DTNB: variants seen among roughly 807,000 people sequenced by gnomAD.
DTNB encodes dystrobrevin beta, also known as DTN-B.
Under a neutral mutation model 90.7 loss-of-function variants are expected in DTNB, and 63 were observed. The ratio of observed to expected loss-of-function variants is 0.69; its 90% confidence interval spans 0.57 to 0.86. The LOEUF (loss-of-function observed/expected upper bound fraction) is 0.86, where lower values mean the gene tolerates loss of function less well. Among genes scored for constraint, DTNB ranks in the 40% least tolerant of loss-of-function variants. DTNB has a pLI of 0.00. For synonymous variants in DTNB, 277 were observed against 286.7 expected, an observed-to-expected ratio of 0.97 and a Z score of 0.34; for missense variants, 744 against 807.1, an observed-to-expected ratio of 0.92 and a Z score of 0.95.
chr2:25,432,206 TACACACAC>T lies in DTNB; in HGVS notation c.1457+672_1457+679del, dbSNP rs60610400. Among the ~76,000 whole-genome samples the T allele has an allele frequency of 5.2e-3, 763 of 146,408 alleles. 7 individuals carry two copies. The highest frequency in any genetic ancestry group is 0.012 in the African/African-American group (490 of 39,444). On this transcript the variant is annotated intron_variant, in intron 14 of 20. Transcript: ENST00000406818. Reference sequence around the variant, plus strand: ...ATGTCTTAACTTACAGAAGAGTGCGTACACACACACACACACACACACACACACACACA... The same window carrying T: ...ATGTCTTAACTTACAGAAGAGTGCGTACACACACACACACACACACACACA...
intron 8 of DTNB, among the ~76,000 whole-genome samples, chr2:25,549,533 C>G (rs1420407485): frequency 6.6e-6 from 1 of 152,090 alleles, no homozygotes; most frequent in Admixed American, 6.5e-5. Context: ...TTTTGCTCCA[C>G]CTACCCATAA....
intron 9 of DTNB, among the ~76,000 whole-genome samples, chr2:25,511,939 A>C (rs1390075982): frequency 1.3e-5 from 2 of 152,222 alleles, no homozygotes; most frequent in African/African-American, 4.8e-5. Context: ...AAGTCCCTTA[A>C]ATTCCAAAAC....
Position 25,433,939 on chromosome 2 carries a change from C to G in DTNB, c.1314G>C (p.Gln438His). 6.2e-7 allele frequency: 1 copy of G among 1,613,808 alleles called. No individual in the cohort carries two copies. Among genetic ancestry groups the G allele is most frequent in the Non-Finnish European group, 8.5e-7 (1 of 1,179,814 alleles). ...TTTTGTTTTCCAGTTCTGCAATAAG[C>G]TGTCTTTGTTGTTTGTTGGCATCAA... is the stretch of plus-strand genomic sequence containing the variant. Reference protein sequence around the residue: ...FNFDANKQQRQLIAELENKNR... With the variant: ...FNFDANKQQRHLIAELENKNR... The change falls in exon 13 of 21, where the codon CAG becomes CAC. Residue 438 changes from glutamine (Q) to histidine (H), a missense_variant. Coordinates refer to ENST00000406818, the MANE Select transcript of DTNB (RefSeq NM_021907.5).
chr2:25,588,544 T>C (rs894514586), intron 6 of DTNB, among the ~76,000 whole-genome samples: 2 of 152,166 alleles, frequency 1.3e-5, no homozygotes, highest in African/African-American at 2.4e-5. Context: ...TTTGTATTTT[T>C]AGTAGTGACG....
chr2:25,601,677 A>T (rs2065915590), intron 5 of DTNB, among the ~76,000 whole-genome samples: 1 of 152,128 alleles, frequency 6.6e-6, no homozygotes, highest in African/African-American at 2.4e-5. Flanking sequence ...TTTCTTTTAC[A>T]TGTTTGCTTT....
rs115560347 is a variant in DTNB at position 25,541,951 on chromosome 2, G to A, written c.877-10354C>T. On this transcript the variant is annotated intron_variant, in intron 8 of 20. Coordinates refer to ENST00000406818, the MANE Select transcript of DTNB (RefSeq NM_021907.5). ...AAAAGTGGAGATAACAAGCCTTCTCGTTTTGTTTTCAATCTTAAACCTTTT... is the reference window on the plus strand; with the variant it reads ...AAAAGTGGAGATAACAAGCCTTCTCATTTTGTTTTCAATCTTAAACCTTTT... Among the ~76,000 whole-genome samples, 290 of 152,222 alleles carry A rather than the reference G, an allele frequency of 1.9e-3. 2 individuals carry two copies. The highest frequency in any genetic ancestry group is 6.5e-3 in the African/African-American group (268 of 41,532).
intron 16 of DTNB, among the ~76,000 whole-genome samples, chr2:25,396,500 G>C (rs1238295527): frequency 2.0e-5 from 3 of 149,906 alleles, no homozygotes; most frequent in Non-Finnish European, 4.4e-5. Flanking sequence ...AACAGAGCAA[G>C]ACACTGTCTC....
At chr2:25,583,263 AT>A (rs370473438) in intron 6 of DTNB, among the ~76,000 whole-genome samples, 35,769 of 121,884 alleles carry the variant, frequency 0.29, 4,692 homozygotes, top group Middle Eastern at 0.35. Flanking sequence ...AAAAAAAAAA[AT>A]ATATATATAT....
At chr2:25,573,439 G>A (rs1165828446) in intron 8 of DTNB, among the ~76,000 whole-genome samples, 3 of 152,120 alleles carry the variant, frequency 2.0e-5, no homozygotes, top group African/African-American at 4.8e-5. Flanking sequence ...AGGACTTTGT[G>A]GCTTAAAGCC....
At chr2:25,611,511 T>C (rs907496080) in intron 4 of DTNB, among the ~76,000 whole-genome samples, 10 of 151,830 alleles carry the variant, frequency 6.6e-5, no homozygotes, top group African/African-American at 2.4e-4. Context: ...CCCTCTAGAG[T>C]TGGCCCTCCA....
chr2:25,634,872 A>G (rs1252318858), intron 3 of DTNB, among the ~76,000 whole-genome samples: 1 of 108,384 alleles, frequency 9.2e-6, no homozygotes, highest in Non-Finnish European at 2.1e-5. Context: ...GCTCGTTAAA[A>G]GTCATCACCA....
intron 8 of DTNB, among the ~76,000 whole-genome samples, chr2:25,562,933 C>T (rs1300991376): frequency 2.0e-5 from 3 of 152,116 alleles, no homozygotes; most frequent in Admixed American, 6.6e-5. Flanking sequence ...CCACACCTGG[C>T]TAATTTTTGT....
At chr2:25,651,067 C>A (rs1033885585) in intron 2 of DTNB, among the ~76,000 whole-genome samples, 1 of 152,122 alleles carries the variant, frequency 6.6e-6, no homozygotes, top group African/African-American at 2.4e-5. Context: ...AAGAAGGGAT[C>A]AGGAAATTAT....
intron 4 of DTNB, among the ~76,000 whole-genome samples, chr2:25,618,861 A>G (rs2071575692): frequency 6.6e-6 from 1 of 152,106 alleles, no homozygotes; most frequent in African/African-American, 2.4e-5. Flanking sequence ...AACTATGCAT[A>G]TGACTTCTAA....
intron 8 of DTNB, among the ~76,000 whole-genome samples, chr2:25,569,339 T>C (rs2059490774): frequency 6.6e-6 from 1 of 152,200 alleles, no homozygotes; most frequent in Non-Finnish European, 1.5e-5. Flanking sequence ...TACTCAAATA[T>C]TTATCAAGCG....
intron 1 of DTNB, among the ~76,000 whole-genome samples, chr2:25,671,332 CATTTT>C (rs1489092920): frequency 1.3e-5 from 2 of 152,114 alleles, no homozygotes; most frequent in East Asian, 1.9e-4. Flanking sequence ...GAAATCTGTG[CATTTT>C]ATTTTGTCAA....
intron 9 of DTNB, among the ~76,000 whole-genome samples, chr2:25,526,384 TATATATA>T (rs1188821388): frequency 1.3e-4 from 7 of 53,536 alleles, no homozygotes; most frequent in African/African-American, 5.4e-4. Flanking sequence ...TATATATATA[TATATATA>T]TATATTTTTT....
intron 12 of DTNB, among the ~76,000 whole-genome samples, chr2:25,447,043 T>C (rs2150092766): frequency 6.6e-6 from 1 of 152,386 alleles, no homozygotes; most frequent in South Asian, 2.1e-4. Context: ...TAACTTTTGT[T>C]TTAAAAATCT....
At chr2:25,409,021 G>A (rs188298400) in intron 16 of DTNB, among the ~76,000 whole-genome samples, 15 of 152,314 alleles carry the variant, frequency 9.8e-5, no homozygotes, top group Admixed American at 2.0e-4. Context: ...CAAGAATCAC[G>A]CAGGTGAGCC....
Sources: allele counts gnomAD v4.1 joint callset (sites outside exome capture counted in the v4.1 genomes callset), GRCh38; gene constraint gnomAD v4.1.1; transcripts MANE v1.5; gene names NCBI Gene and HGNC (gene_info 2026-07-23, HGNC 2026-07-21).